NCAPG2: variants seen among roughly 807,000 people sequenced by gnomAD.
The protein encoded by NCAPG2 is non-SMC condensin II complex subunit G2, also known as condensin-2 complex subunit G2.
Under a neutral mutation model 141.1 loss-of-function variants are expected in NCAPG2, and 53 were observed. The observed-to-expected ratio is 0.38, with a 90% CI of 0.30 to 0.47. The LOEUF is 0.47. Among genes scored for constraint, NCAPG2 ranks in the 20% least tolerant of loss-of-function variants. The probability of loss-of-function intolerance (pLI) is 0.99; values close to 1 mark genes in which losing one functional copy is unlikely to be tolerated. For missense variants in NCAPG2, 1,087 were observed against 1,389.0 expected, an observed-to-expected ratio of 0.78 and a Z score of 3.46; for synonymous variants, 499 against 490.7, an observed-to-expected ratio of 1.02 and a Z score of -0.22.
At chr7:158,654,993 A>G (rs927763358) in intron 21 of NCAPG2, 125 bp downstream of exon 21, 1 of 1,250,556 alleles carries the variant, frequency 8.0e-7, no homozygotes. Flanking sequence ...AGTTAGATAA[A>G]TGTCCCTGTA....
intron 22 of NCAPG2, among the ~76,000 whole-genome samples, chr7:158,653,009 A>ATT (rs1437672749): frequency 3.9e-5 from 6 of 152,238 alleles, no homozygotes; most frequent in Non-Finnish European, 8.8e-5. Flanking sequence ...AAAATAAATA[A>ATT]TTTTGACTGT....
intron 10 of NCAPG2, 47 bp downstream of exon 10, chr7:158,680,674 C>T: frequency 1.6e-6 from 2 of 1,254,188 alleles, no homozygotes; most frequent in Non-Finnish European, 2.1e-6. Context: ...AATTCAAAAG[C>T]ACAAGTAGTA....
At position 158,664,680 on chromosome 7, in the gene NCAPG2, C is replaced by A. The variant is rs749383760; in HGVS notation, c.1550G>T (p.Arg517Leu). The change falls in exon 14 of 28, where the codon CGC (arginine) becomes CTC (leucine). Residue 517 changes from arginine to leucine, a missense_variant. Transcript: ENST00000356309. ...AGAATTAAAGATGAGGCTCACCAGGCGCCGAGACACAGGTCGAGAATCAGT... is the reference window on the plus strand; with the variant it reads ...AGAATTAAAGATGAGGCTCACCAGGAGCCGAGACACAGGTCGAGAATCAGT... ...LETDSRPVSR[R>L]LVSLIFNSFL... The A allele has an allele frequency of 6.2e-7, 1 of 1,614,082 alleles. No individual in the cohort carries two copies. The highest frequency in any genetic ancestry group is 8.5e-7 in the Non-Finnish European group (1 of 1,180,024).
intron 26 of NCAPG2, 92 bp from the exon 27 acceptor site, chr7:158,644,480 C>T (rs1830860441): frequency 9.5e-7 from 1 of 1,052,374 alleles, no homozygotes; most frequent in African/African-American, 1.6e-5. Context: ...CTTCCCTAAG[C>T]TGGGCCTCCC....
rs1161083245 is a variant in NCAPG2, at chr7:158,650,905, G to T, written c.3002C>A (p.Thr1001Asn). 1 of 1,613,934 alleles carries T rather than the reference G, an allele frequency of 6.2e-7. No homozygotes were observed. ...ITAVQSRHTDTPVHRGVLSTL... is the reference protein window; with the variant it reads ...ITAVQSRHTDNPVHRGVLSTL... ...AGAAAGTACACCCCGGTGCACAGGGGTGTCTGTGTGCCGAGACTGAACAGC... is the reference window on the plus strand; with the variant it reads ...AGAAAGTACACCCCGGTGCACAGGGTTGTCTGTGTGCCGAGACTGAACAGC... The change falls in exon 24 of 28, where the codon ACC (threonine) becomes AAC (asparagine). Residue 1001 changes from threonine to asparagine, a missense_variant. By Grantham distance (65) the Thr-to-Asn change is moderately conservative (BLOSUM62 0). Transcript: ENST00000356309.
chr7:158,682,788 A>AT (rs918804999), intron 9 of NCAPG2, among the ~76,000 whole-genome samples: 27 of 152,194 alleles, frequency 1.8e-4, no homozygotes, highest in African/African-American at 6.0e-4. Flanking sequence ...AATGGCACTG[A>AT]TGATAGAATC....
At chr7:158,668,339 C>G (rs1269840017) in intron 13 of NCAPG2, 1 of 964,466 alleles carries the variant, frequency 1.0e-6, no homozygotes, top group Non-Finnish European at 1.2e-6. Flanking sequence ...CTCCCTTACC[C>G]ACAACTGGGT....
chr7:158,679,744 C>T (rs1181277419), intron 11 of NCAPG2, among the ~76,000 whole-genome samples: 4 of 152,058 alleles, frequency 2.6e-5, no homozygotes, highest in African/African-American at 9.7e-5. Context: ...ATTAAATGTC[C>T]CAAAAGTAGA....
intron 8 of NCAPG2, among the ~76,000 whole-genome samples, chr7:158,685,961 G>T (rs561467614): frequency 3.5e-4 from 53 of 152,256 alleles, no homozygotes; most frequent in African/African-American, 1.2e-3. Flanking sequence ...CAGGGTCAGA[G>T]CTCCCTCCCA....
intron 13 of NCAPG2, among the ~76,000 whole-genome samples, chr7:158,670,094 C>CCA (rs910724111): frequency 8.5e-5 from 13 of 152,306 alleles, no homozygotes; most frequent in African/African-American, 2.6e-4. Context: ...CAGAAAAGGA[C>CCA]CACACACATG....
chr7:158,678,561 G>A (rs1039179908), intron 11 of NCAPG2, among the ~76,000 whole-genome samples: 2 of 152,088 alleles, frequency 1.3e-5, no homozygotes, highest in East Asian at 1.9e-4. Flanking sequence ...CTGGAGTGCA[G>A]TAGTATAATC....
At position 158,656,393 on chromosome 7, in the gene NCAPG2, G is replaced by T; in HGVS notation, c.2255C>A (p.Thr752Lys). ...TGCCAATTCAGGTTTGACTGGGCGT[G>T]TGTCATGGATCTGCACCCTACCTTT... ...ASKGRVQIHD[T>K]RPVKPELALV... is the part of the protein sequence containing the mutation. Residue 752 changes from threonine (T) to lysine (K), a missense_variant, in exon 19 of 28, where the codon ACA becomes AAA. Thr to Lys is a moderately conservative substitution (Grantham distance 78, BLOSUM62 -1). Transcript: ENST00000356309. The T allele has an allele frequency of 6.2e-7, 1 of 1,614,234 alleles. No homozygotes were observed. The highest frequency in any genetic ancestry group is 2.2e-5 in the East Asian group (1 of 44,886).
intron 11 of NCAPG2, 56 bp from the exon 12 acceptor site, chr7:158,675,712 C>T: frequency 6.4e-7 from 1 of 1,552,106 alleles, no homozygotes; most frequent in Non-Finnish European, 8.8e-7. Context: ...CCGAAATCCA[C>T]ATCTGCTTCA....
At chr7:158,644,136 G>C (rs1587073345) in intron 27 of NCAPG2, among the ~76,000 whole-genome samples, 153 bp downstream of exon 27, 2 of 152,228 alleles carry the variant, frequency 1.3e-5, no homozygotes, top group Admixed American at 1.3e-4. Context: ...GTAAGCTAAA[G>C]GTCTTTGCCA....
chr7:158,694,017 G>C (rs890594610), intron 2 of NCAPG2, among the ~76,000 whole-genome samples: 3 of 152,138 alleles, frequency 2.0e-5, no homozygotes, highest in Non-Finnish European at 4.4e-5. Flanking sequence ...AAAGGGCATA[G>C]AATCCAATTA....
chr7:158,683,312 G>A lies in NCAPG2; in HGVS notation c.912C>T (p.Ser304=). The A allele has an allele frequency of 6.3e-7, 1 of 1,594,416 alleles. No homozygotes were observed. The highest frequency in any genetic ancestry group is 8.5e-7 in the Non-Finnish European group (1 of 1,171,200). The change falls in exon 9 of 28, where the codon TCC becomes TCT. Residue 304 remains serine (S), a synonymous_variant. Transcript: ENST00000356309. ...IHLPRRSPVH[S]KVREVLSYFH... is the part of the protein sequence containing the mutation. The stretch of plus-strand genomic sequence containing the variant: ...TTCACAATCTTACCTCCCGCACTTT[G>A]GAATGCACTGGAGACCTCCTCGGAA...
At position 158,667,428 on chromosome 7, in the gene NCAPG2, T is replaced by G. The variant is rs1587185959; in HGVS notation, c.1480-2678A>C. ...CCCTCCTTACCCACTACTGGGTCCC[T>G]CCGCCCTCCTTACCCACTACTGGGT... On this transcript the variant is annotated intron_variant, in intron 13 of 27. Coordinates refer to ENST00000356309, the MANE Select transcript of NCAPG2 (RefSeq NM_017760.7). Among the ~76,000 whole-genome samples the G allele has an allele frequency of 5.1e-5, 5 of 97,368 alleles. No individual in the cohort carries two copies. In the South Asian group the frequency reaches 1.8e-3, roughly 35 times the overall value. 63.9% of individuals were successfully genotyped at this position (97,368 alleles called of 152,430 possible). A position where few individuals can be genotyped will look rare whatever the true frequency, so the allele number is the denominator to read the frequency against.
chr7:158,666,154 G>C (rs1419376525), intron 13 of NCAPG2, among the ~76,000 whole-genome samples: 4 of 152,184 alleles, frequency 2.6e-5, no homozygotes, highest in Non-Finnish European at 4.4e-5. Context: ...TTACCTAAGG[G>C]TGAGAGGCTG....
At chr7:158,664,123 T>G in intron 15 of NCAPG2, 61 bp downstream of exon 15, 1 of 1,228,818 alleles carries the variant, frequency 8.1e-7, no homozygotes, top group Non-Finnish European at 1.2e-6. Context: ...CCTAACATAA[T>G]GGCCCATGGG....
Sources: gnomAD v4.1 joint callset for allele counts (sites outside exome capture counted in the v4.1 genomes callset) on GRCh38, gnomAD v4.1.1 for gene constraint, MANE v1.5 for transcripts, NCBI Gene and HGNC (gene_info 2026-07-23, HGNC 2026-07-21) for gene names.